The following CIMIP3 variants were observed in gnomAD, a reference collection of about 807,000 sequenced individuals.
CIMIP3 encodes ciliary microtubule inner protein 3, also known as GUCA1A neighbor.
the CIMIP3 span, chr6:42,155,432 C>T: frequency 1.5e-6 from 1 of 664,724 alleles, no homozygotes; most frequent in East Asian, 2.7e-5. Flanking sequence ...TCCTCCCTGA[C>T]CACCAGAAGT....
At chr6:42,158,288 G>A in the CIMIP3 span, among the ~76,000 whole-genome samples, 1 of 152,210 alleles carries the variant, frequency 6.6e-6, no homozygotes, top group East Asian at 1.9e-4. Context: ...TCTGAGGTTA[G>A]TCACTTGGAG....
the CIMIP3 span, among the ~76,000 whole-genome samples, chr6:42,157,984 T>C: frequency 3.9e-5 from 6 of 152,208 alleles, no homozygotes; most frequent in Admixed American, 2.6e-4. Flanking sequence ...CCCTGTCTCC[T>C]ACCCGCTGGA....
At chr6:42,157,134 G>A in the CIMIP3 span, among the ~76,000 whole-genome samples, 1 of 152,168 alleles carries the variant, frequency 6.6e-6, no homozygotes, top group African/African-American at 2.4e-5. Flanking sequence ...CCGGCATAAG[G>A]GACAAACGCA....
the CIMIP3 span, among the ~76,000 whole-genome samples, chr6:42,158,589 A>G: frequency 6.6e-6 from 1 of 152,234 alleles, no homozygotes; most frequent in East Asian, 1.9e-4. Context: ...TGGTTCCCAC[A>G]CTAACCAGTT....
At chr6:42,157,223 G>A in the CIMIP3 span, among the ~76,000 whole-genome samples, 1 of 152,122 alleles carries the variant, frequency 6.6e-6, no homozygotes, top group African/African-American at 2.4e-5. Flanking sequence ...GTGGGGATGG[G>A]GGTTATGAAG....
At chr6:42,162,613 C>T in the CIMIP3 span, among the ~76,000 whole-genome samples, 9 of 135,510 alleles carry the variant, frequency 6.6e-5, no homozygotes, top group South Asian at 2.3e-4. Flanking sequence ...CACGGACAGA[C>T]GATTGGATGC....
At chr6:42,157,695 G>A in the CIMIP3 span, among the ~76,000 whole-genome samples, 1 of 152,226 alleles carries the variant, frequency 6.6e-6, no homozygotes. Context: ...GGCCCAGTGA[G>A]GGATAATTCT....
At chr6:42,163,273 G>T in the CIMIP3 span, 1 of 546,766 alleles carries the variant, frequency 1.8e-6, no homozygotes, top group South Asian at 2.6e-5. Context: ...GGAAGCCCCC[G>T]ACCCTTCACC....
the CIMIP3 span, among the ~76,000 whole-genome samples, chr6:42,161,792 C>CATT: frequency 1.3e-5 from 2 of 152,146 alleles, no homozygotes; most frequent in African/African-American, 4.8e-5. Flanking sequence ...ATTGATCCAG[C>CATT]ATTTATCAAG....
At chr6:42,158,194 C>T in the CIMIP3 span, among the ~76,000 whole-genome samples, 2 of 152,232 alleles carry the variant, frequency 1.3e-5, no homozygotes, top group Admixed American at 1.3e-4. Flanking sequence ...AGATGTTAAC[C>T]TGGAAAGTAT....
chr6:42,155,640 G>A, the CIMIP3 span: 1 of 717,176 alleles, frequency 1.4e-6, no homozygotes, highest in Non-Finnish European at 2.6e-6. Flanking sequence ...TGCTGGTGCT[G>A]CTGCCTGCCT....
At chr6:42,162,145 G>A in the CIMIP3 span, among the ~76,000 whole-genome samples, 2 of 136,398 alleles carry the variant, frequency 1.5e-5, no homozygotes, top group Non-Finnish European at 3.0e-5. Context: ...TGGACGCAGT[G>A]GCTCACGCCT....
chr6:42,161,726 A>G, the CIMIP3 span, among the ~76,000 whole-genome samples: 5 of 152,290 alleles, frequency 3.3e-5, no homozygotes, highest in South Asian at 2.1e-4. Context: ...GTTATAAAAT[A>G]GAATGGGCTG....
chr6:42,162,582 A>ACACAGGAACCAGGCCAAGGACACGGACAG, the CIMIP3 span, among the ~76,000 whole-genome samples: 2 of 149,920 alleles, frequency 1.3e-5, no homozygotes, highest in Non-Finnish European at 3.0e-5. Flanking sequence ...GGGGAGGGCC[A>ACACAGGAACCAGGCCAAGGACACGGACAG]CACAGGAGCC....
the CIMIP3 span, among the ~76,000 whole-genome samples, chr6:42,155,810 A>C: frequency 5.6e-4 from 85 of 152,172 alleles, no homozygotes; most frequent in Non-Finnish European, 1.8e-4. Flanking sequence ...CTTGAGATAA[A>C]TAATAATTGT....
At chr6:42,157,480 G>A in the CIMIP3 span, among the ~76,000 whole-genome samples, 1 of 151,866 alleles carries the variant, frequency 6.6e-6, no homozygotes, top group African/African-American at 2.4e-5. Flanking sequence ...AAACTCCTGG[G>A]CTCAAGTGAT....
chr6:42,155,488 G>A, the CIMIP3 span: 4 of 714,502 alleles, frequency 5.6e-6, no homozygotes, highest in Non-Finnish European at 7.8e-6. Context: ...TGTGCAAGGT[G>A]TGATGAAATC....
the CIMIP3 span, chr6:42,163,101 A>G: frequency 1.4e-6 from 1 of 714,408 alleles, no homozygotes; most frequent in South Asian, 1.5e-5. Flanking sequence ...CTCAGGTTCA[A>G]TTTCTACACC....
At chr6:42,156,305 TC>T in the CIMIP3 span, among the ~76,000 whole-genome samples, 2 of 148,246 alleles carry the variant, frequency 1.3e-5, no homozygotes, top group South Asian at 2.2e-4. Context: ...CATTTTTTTT[TC>T]TTTTTTTTTT....
Sources: allele counts gnomAD v4.1 joint callset (sites outside exome capture counted in the v4.1 genomes callset), GRCh38; gene constraint gnomAD v4.1.1; transcripts MANE v1.5; gene names NCBI Gene and HGNC (gene_info 2026-07-23, HGNC 2026-07-21).